Variants in PRPF6 observed in about 807,000 individuals in gnomAD.
The protein encoded by PRPF6 is pre-mRNA processing factor 6.
A neutral mutation model predicts 118.3 loss-of-function variants in PRPF6; 42 were observed. The ratio of observed to expected loss-of-function variants is 0.35; its 90% CI spans 0.28 to 0.46. The LOEUF (loss-of-function observed/expected upper bound fraction) is 0.46. PRPF6 is among the 20% of genes least tolerant of loss of function. PRPF6 has a pLI of 1.00. For synonymous variants in PRPF6, 481 were observed against 485.1 expected (o/e 0.99, Z 0.11); for missense variants, 662 against 1,255.7 (o/e 0.53, Z 7.15).
chr20:63,982,466 G>C (rs1391829692), intron 1 of PRPF6, among the ~76,000 whole-genome samples: 1 of 152,192 alleles, frequency 6.6e-6, no homozygotes, highest in Non-Finnish European at 1.5e-5. Context: ...CACCACGCCC[G>C]GCCCAGAATT....
chr20:63,997,526 G>A (rs1305442464), intron 6 of PRPF6, among the ~76,000 whole-genome samples: 1 of 148,704 alleles, frequency 6.7e-6, no homozygotes, highest in African/African-American at 2.5e-5. Context: ...GTGTGATCTC[G>A]GCTCACTGCA....
At chr20:64,020,447 G>A (rs902438086) in intron 12 of PRPF6, among the ~76,000 whole-genome samples, 2 of 152,124 alleles carry the variant, frequency 1.3e-5, no homozygotes, top group Non-Finnish European at 2.9e-5. Context: ...TCTGCAGGGC[G>A]CAGAGGACGG....
rs1256505491 is a variant in PRPF6, at chr20:64,028,910, C to T, written c.2431+341C>T. ...GTGTGGTGGCTCATGCCTGTAATCTCAGCACTTTGAGAGACTGAGGCGGGA... is the reference window on the plus strand; with the variant it reads ...GTGTGGTGGCTCATGCCTGTAATCTTAGCACTTTGAGAGACTGAGGCGGGA... On this transcript the variant is annotated intron_variant, in intron 18 of 20. Transcript: ENST00000266079. The surrounding 1 kb of genome is among the most constrained non-coding windows in gnomAD (Gnocchi z 6.5). 6.6e-6 allele frequency among the ~76,000 whole-genome samples: 1 copy of T among 152,158 alleles called. No homozygotes were observed. The highest frequency in any genetic ancestry group is 1.5e-5 in the Non-Finnish European group (1 of 68,022).
intron 6 of PRPF6, among the ~76,000 whole-genome samples, chr20:63,997,771 C>T (rs1370586348): frequency 6.6e-6 from 1 of 152,034 alleles, no homozygotes; most frequent in Non-Finnish European, 1.5e-5. Flanking sequence ...GATGGGATTT[C>T]ACCATGTTGG....
At chr20:63,987,920 C>T (rs1051954421) in intron 3 of PRPF6, among the ~76,000 whole-genome samples, 7 of 152,004 alleles carry the variant, frequency 4.6e-5, no homozygotes, top group African/African-American at 7.2e-5. Flanking sequence ...CGGTGGCTCA[C>T]GCCTGTAATC....
rs368702801 is a variant in PRPF6, at chr20:64,026,086, G to T, written c.2028+28G>T. ...ACGCAGTGGCAGGCAGGGCTGGGCCGTCTGGGGTGCATGGTGTGCACATGC... is the reference window on the plus strand; with the variant it reads ...ACGCAGTGGCAGGCAGGGCTGGGCCTTCTGGGGTGCATGGTGTGCACATGC... On this transcript the variant is annotated intron_variant, in intron 15 of 20. Transcript: ENST00000266079. This position sits in a 1 kb window ranked among gnomAD's most constrained non-coding sequence, Gnocchi z 4.4. 7 of 1,598,584 alleles carry T rather than the reference G, an allele frequency of 4.4e-6. No homozygotes were observed. Among genetic ancestry groups the T allele is most frequent in the African/African-American group, 4.0e-5 (3 of 74,904 alleles).
intron 3 of PRPF6, among the ~76,000 whole-genome samples, chr20:63,986,784 G>A (rs1034771785): frequency 4.6e-5 from 7 of 151,340 alleles, no homozygotes; most frequent in Non-Finnish European, 5.9e-5. Flanking sequence ...CACTGCGCCC[G>A]GCCTAATCAT....
intron 19 of PRPF6, among the ~76,000 whole-genome samples, chr20:64,030,296 G>C (rs114845278): frequency 6.6e-6 from 1 of 152,302 alleles, no homozygotes; most frequent in African/African-American, 2.4e-5. Context: ...AGCTCAGGAC[G>C]TGGGCTCACC....
intron 6 of PRPF6, among the ~76,000 whole-genome samples, chr20:63,995,902 C>G (rs2059139295): frequency 6.6e-6 from 1 of 152,024 alleles, no homozygotes; most frequent in Admixed American, 6.6e-5. Context: ...GGTGATCTGT[C>G]TGCCTTGGCC....
rs1358631714 is a variant in PRPF6 at position 64,028,140 on chromosome 20, T to A, written c.2340-338T>A. Among the ~76,000 whole-genome samples, 2 of 152,192 alleles carry A rather than the reference T, an allele frequency of 1.3e-5. No homozygotes were observed. Reference sequence around the variant, plus strand: ...TGCGTCCAGCTCAGGGTGACGGGGCTGGAGCACTGTGCAGGCACTGCCGCA... The same window carrying A: ...TGCGTCCAGCTCAGGGTGACGGGGCAGGAGCACTGTGCAGGCACTGCCGCA... On this transcript the variant is annotated intron_variant, in intron 17 of 20. Coordinates refer to ENST00000266079, the MANE Select transcript of PRPF6 (RefSeq NM_012469.4). This position sits in a 1 kb window ranked among gnomAD's most constrained non-coding sequence, Gnocchi z 6.5.
intron 1 of PRPF6, among the ~76,000 whole-genome samples, chr20:63,981,852 G>T (rs935992945): frequency 2.0e-5 from 3 of 152,056 alleles, no homozygotes; most frequent in Non-Finnish European, 4.4e-5. Context: ...ACTAAGGAGG[G>T]TTTGCTATTA....
chr20:63,991,618 C>T (rs2059119171), intron 3 of PRPF6, among the ~76,000 whole-genome samples: 1 of 151,880 alleles, frequency 6.6e-6, no homozygotes, highest in Non-Finnish European at 1.5e-5. Context: ...GGTGAAACCC[C>T]GTCTCTACTA....
chr20:64,025,818 A>T, intron 14 of PRPF6, 121 bp from the exon 15 acceptor site: 1 of 1,574,118 alleles, frequency 6.4e-7, no homozygotes, highest in Non-Finnish European at 8.7e-7. Context: ...CTTGGACCAG[A>T]CTAATCCTGT....
intron 3 of PRPF6, among the ~76,000 whole-genome samples, chr20:63,985,733 A>G (rs2059090215): frequency 6.6e-6 from 1 of 152,242 alleles, no homozygotes; most frequent in South Asian, 2.1e-4. Context: ...GAACAGACCA[A>G]TAAAAGGTAA....
At chr20:64,002,164 G>A (rs2059170279) in intron 9 of PRPF6, among the ~76,000 whole-genome samples, 3 of 150,176 alleles carry the variant, frequency 2.0e-5, no homozygotes, top group South Asian at 4.2e-4. Flanking sequence ...GACTACAGGC[G>A]CCTGCCACCA....
chr20:64,002,366 C>T (rs533519445), intron 9 of PRPF6, among the ~76,000 whole-genome samples: 32 of 146,834 alleles, frequency 2.2e-4, no homozygotes, highest in Non-Finnish European at 3.7e-4. Flanking sequence ...GACAGAGTCT[C>T]GCTTTGTCGC....
chr20:63,998,980 C>A (rs2059153734), intron 6 of PRPF6, 65 bp from the exon 7 acceptor site: 1 of 1,189,764 alleles, frequency 8.4e-7, no homozygotes, highest in East Asian at 2.4e-5. Flanking sequence ...CACCAGGGAC[C>A]CTCTGAGAAC....
At chr20:64,007,373 C>T (rs1163639389) in intron 9 of PRPF6, among the ~76,000 whole-genome samples, 3 of 147,598 alleles carry the variant, frequency 2.0e-5, no homozygotes, top group African/African-American at 5.0e-5. Context: ...CTCCCCTCCC[C>T]GCCTCCCCTC....
chr20:64,017,323 G>A (rs572422667), intron 12 of PRPF6, among the ~76,000 whole-genome samples: 65 of 147,934 alleles, frequency 4.4e-4, no homozygotes, highest in Non-Finnish European at 7.1e-4. Context: ...GAGCCACCGC[G>A]CCCGGCCTCC....
Sources: gnomAD v4.1 joint callset for allele counts (sites outside exome capture counted in the v4.1 genomes callset) on GRCh38, gnomAD v4.1.1 for gene constraint, Gnocchi (gnomAD v3.1) non-coding constraint, MANE v1.5 for transcripts, NCBI Gene and HGNC (gene_info 2026-07-23, HGNC 2026-07-21) for gene names.